Variants in GJD2 observed in about 807,000 individuals in gnomAD.
The protein encoded by GJD2 is gap junction protein delta 2.
In GJD2, 12 loss-of-function variants were observed where a neutral mutation model predicts 24.3. The observed-to-expected ratio is 0.49, with a 90% CI of 0.32 to 0.80. The LOEUF (loss-of-function observed/expected upper bound fraction) is 0.80. GJD2 is among the 30% of genes least tolerant of loss of function. The pLI is 0.04. For missense variants in GJD2, 268 were observed against 402.4 expected (o/e 0.67, Z 2.86); for synonymous variants, 171 against 155.2 (o/e 1.10, Z -0.76).
In GJD2 at chr15:34,754,411, C is replaced by G; in HGVS notation, c.71+7G>C. 1 of 1,612,860 alleles carries G rather than the reference C, an allele frequency of 6.2e-7. No individual in the cohort carries two copies. Among genetic ancestry groups the G allele is most frequent in the Non-Finnish European group, 8.5e-7 (1 of 1,179,052 alleles). Reference sequence around the variant, plus strand: ...GGGCCCCCTGACCGCCGGCTTGGCGCCCTTACCTCCCGATCATAGTGGAGT... The same window carrying G: ...GGGCCCCCTGACCGCCGGCTTGGCGGCCTTACCTCCCGATCATAGTGGAGT... On this transcript the variant is annotated splice_region_variant and intron_variant, in intron 1 of 1. Coordinates refer to ENST00000290374, the MANE Select transcript of GJD2 (RefSeq NM_020660.3). The surrounding 1 kb of genome is among the most constrained non-coding windows in gnomAD (Gnocchi z 5.9).
Sources: allele counts gnomAD v4.1 joint callset, GRCh38; gene constraint gnomAD v4.1.1; non-coding constraint Gnocchi (gnomAD v3.1); transcripts MANE v1.5; gene names NCBI Gene and HGNC (gene_info 2026-07-23, HGNC 2026-07-21).